CREM: variants seen among roughly 807,000 people sequenced by gnomAD.
CREM encodes the protein cAMP responsive element modulator.
Under a neutral mutation model 37.3 loss-of-function variants are expected in CREM, and 13 were observed. The observed-to-expected ratio is 0.35, with a 90% CI of 0.23 to 0.55. The LOEUF is 0.55. Among genes scored for constraint, CREM ranks in the 20% least tolerant of loss-of-function variants. CREM has a pLI of 0.88. For missense variants in CREM, 296 were observed against 362.3 expected, an observed-to-expected ratio of 0.82 and a Z score of 1.49; for synonymous variants, 124 against 120.2, an observed-to-expected ratio of 1.03 and a Z score of -0.21.
chr10:35,162,047 G>A (rs1028035371), intron 3 of CREM, among the ~76,000 whole-genome samples: 4 of 152,186 alleles, frequency 2.6e-5, no homozygotes, highest in Admixed American at 1.3e-4. Context: ...TGGATGAATG[G>A]ATAAAGAAAG....
intron 1 of CREM, among the ~76,000 whole-genome samples, chr10:35,137,400 T>A (rs1197940695): frequency 6.6e-6 from 1 of 152,192 alleles, no homozygotes; most frequent in African/African-American, 2.4e-5. Flanking sequence ...TATTAAGTGA[T>A]CATTAACTTC....
At chr10:35,159,782 C>A (rs373862895) in intron 3 of CREM, among the ~76,000 whole-genome samples, 1 of 152,098 alleles carries the variant, frequency 6.6e-6, no homozygotes, top group East Asian at 1.9e-4. Context: ...AAGAAGGGAC[C>A]TACAGAATGG....
intron 3 of CREM, among the ~76,000 whole-genome samples, chr10:35,159,116 T>G (rs1000184897): frequency 6.6e-6 from 1 of 152,172 alleles, no homozygotes; most frequent in Admixed American, 6.5e-5. Context: ...CCTTAATCTA[T>G]TCCTGCTAAT....
At chr10:35,194,848 TAAAG>T (rs1292763984) in intron 6 of CREM, among the ~76,000 whole-genome samples, 3 of 151,798 alleles carry the variant, frequency 2.0e-5, no homozygotes, top group Admixed American at 1.3e-4. Context: ...ACAACAATAA[TAAAG>T]AAGTAGCCCT....
intron 5 of CREM, among the ~76,000 whole-genome samples, chr10:35,186,861 A>C (rs1255678610): frequency 9.2e-6 from 1 of 108,644 alleles, no homozygotes; most frequent in Non-Finnish European, 1.7e-5. Context: ...TATGTTATAT[A>C]TAATTATATA....
chr10:35,140,183 G>T (rs1474933393), intron 2 of CREM, among the ~76,000 whole-genome samples: 1 of 152,122 alleles, frequency 6.6e-6, no homozygotes, highest in Non-Finnish European at 1.5e-5. Context: ...GTACTAAACG[G>T]CATGAACTGA....
chr10:35,129,073 A>G (rs1201603089), intron 1 of CREM, among the ~76,000 whole-genome samples: 1 of 152,260 alleles, frequency 6.6e-6, no homozygotes, highest in Non-Finnish European at 1.5e-5. Context: ...AAGCATTGTC[A>G]GTATTCACAC....
At chr10:35,154,869 A>G (rs1207333144) in intron 3 of CREM, among the ~76,000 whole-genome samples, 1 of 152,212 alleles carries the variant, frequency 6.6e-6, no homozygotes, top group Admixed American at 6.5e-5. Context: ...TAATATTAGT[A>G]ACCAACTTTT....
Position 35,211,382 on chromosome 10 carries a change from G to A in CREM, c.884G>A (p.Cys295Tyr), listed in dbSNP as rs1313543886. The part of the protein sequence containing the change: ...EELKALKDLY[C>Y]HKVE ...CTCAAGGCCCTCAAAGATCTTTATT[G>A]CCATAAAGTAGAGTAACTGTCTTTG... Residue 295 changes from cysteine to tyrosine, a missense_variant, in exon 8 of 8, where the codon TGC becomes TAC. Around this residue, in one of 2 missense-constraint regions of CREM, gnomAD observed 39 missense variants for 82.0 expected, o/e 0.48. Transcript: ENST00000685392. The A allele has an allele frequency of 1.9e-6, 3 of 1,613,656 alleles. No individual in the cohort carries two copies. The highest frequency in any genetic ancestry group is 2.5e-6 in the Non-Finnish European group (3 of 1,179,812).
chr10:35,158,423 G>T, intron 3 of CREM: 1 of 294,498 alleles, frequency 3.4e-6, no homozygotes, highest in Admixed American at 4.3e-5. Flanking sequence ...CAAAGAAGTA[G>T]CTTAGGCTGA....
In CREM at chr10:35,148,368, A is replaced by G. The variant is rs756240114; in HGVS notation, c.45A>G (p.Arg15=). 6.2e-6 allele frequency: 10 copies of G among 1,609,066 alleles called. No individual in the cohort carries two copies. Among genetic ancestry groups the G allele is most frequent in the African/African-American group, 1.3e-5 (1 of 74,620 alleles). Residue 15 remains arginine (R), a splice_region_variant and synonymous_variant, in exon 3 of 8, where the codon AGA becomes AGG. Transcript: ENST00000685392. The part of the protein sequence containing the change: ...ARKKYIKTNP[R]QMTMETVESQ... The stretch of plus-strand genomic sequence containing the variant: ...GTCTTCCTTTTTATTGTCTTTTCAG[A>G]CAAATGACCATGGAAACAGTTGAAT...
At chr10:35,163,267 G>A (rs376146392) in intron 3 of CREM, among the ~76,000 whole-genome samples, 20 of 152,058 alleles carry the variant, frequency 1.3e-4, no homozygotes, top group East Asian at 9.6e-4. Context: ...AAATGTGTGC[G>A]TATTTACTAT....
chr10:35,165,796 A>C (rs1206797119), intron 3 of CREM, among the ~76,000 whole-genome samples: 1 of 151,922 alleles, frequency 6.6e-6, no homozygotes, highest in African/African-American at 2.4e-5. Context: ...AGGAAATCCA[A>C]GATACTGTAC....
intron 1 of CREM, among the ~76,000 whole-genome samples, chr10:35,129,677 A>G (rs760978509): frequency 5.3e-5 from 8 of 152,228 alleles, no homozygotes; most frequent in Non-Finnish European, 1.2e-4. Flanking sequence ...GCAAACACTT[A>G]ATAGCTGAAC....
intron 5 of CREM, among the ~76,000 whole-genome samples, chr10:35,181,748 C>T (rs575936560): frequency 1.3e-5 from 2 of 152,204 alleles, no homozygotes; most frequent in East Asian, 1.9e-4. Flanking sequence ...TGGTGGTATG[C>T]GCTCATCCCA....
chr10:35,160,505 C>T (rs1404143970), intron 3 of CREM, among the ~76,000 whole-genome samples: 2 of 152,102 alleles, frequency 1.3e-5, no homozygotes, highest in Non-Finnish European at 2.9e-5. Context: ...CTCAAGTGAT[C>T]CTCCTGTCTC....
chr10:35,197,416 CTTTATTTATTTA>C (rs202009348), intron 6 of CREM, among the ~76,000 whole-genome samples: 7,802 of 142,752 alleles, frequency 0.055, 276 homozygotes, highest in African/African-American at 0.11. Context: ...TTTCATTTTA[CTTTATTTATTTA>C]TTTATTTATT....
intron 6 of CREM, among the ~76,000 whole-genome samples, chr10:35,191,714 T>C (rs781009831): frequency 6.6e-6 from 1 of 152,160 alleles, no homozygotes; most frequent in Non-Finnish European, 1.5e-5. Context: ...TCAGTCCTGT[T>C]GCTGGGCTAA....
At chr10:35,154,315 A>C (rs942688576) in intron 3 of CREM, 4 of 373,228 alleles carry the variant, frequency 1.1e-5, no homozygotes, top group African/African-American at 8.3e-5. Flanking sequence ...TGAGCAAACA[A>C]ATAGAAGACC....
Sources: allele counts gnomAD v4.1 joint callset (sites outside exome capture counted in the v4.1 genomes callset), GRCh38; gene constraint gnomAD v4.1.1; regional missense constraint gnomAD v4.1.1; transcripts MANE v1.5; gene names NCBI Gene and HGNC (gene_info 2026-07-23, HGNC 2026-07-21).